The following PSD4 variants were observed in gnomAD, a reference collection of about 807,000 sequenced individuals.
PSD4 encodes pleckstrin and Sec7 domain containing 4.
PSD4 carries 59 observed loss-of-function variants against 112.5 expected under a neutral mutation model. The observed-to-expected ratio is 0.52, with a 90% CI of 0.43 to 0.65. The LOEUF (loss-of-function observed/expected upper bound fraction) is 0.65. PSD4 is among the 30% of genes least tolerant of loss of function. The probability of loss-of-function intolerance (pLI) is 0.00; values close to 1 mark genes in which losing one functional copy is unlikely to be tolerated. For synonymous variants in PSD4, 533 were observed against 540.0 expected (o/e 0.99, Z 0.18); for missense variants, 1,267 against 1,352.6 (o/e 0.94, Z 0.99).
intron 2 of PSD4, among the ~76,000 whole-genome samples, chr2:113,184,250 C>G (rs1451108869): frequency 2.6e-5 from 4 of 152,202 alleles, no homozygotes; most frequent in Middle Eastern, 3.2e-3. Context: ...ATTACCAGAG[C>G]AGCTCTTGGA....
intron 5 of PSD4, among the ~76,000 whole-genome samples, chr2:113,189,934 A>G (rs1688403594): frequency 1.3e-5 from 2 of 152,006 alleles, no homozygotes; most frequent in South Asian, 4.1e-4. Context: ...AGATGTATAG[A>G]TTGTGGAGAT....
intron 5 of PSD4, among the ~76,000 whole-genome samples, chr2:113,186,664 G>A (rs528759964): frequency 1.4e-4 from 22 of 152,314 alleles, no homozygotes; most frequent in African/African-American, 5.1e-4. Context: ...GGACTGCTTT[G>A]AATTTGAGGA....
rs1294193893 is a variant in PSD4 at position 113,206,745 on chromosome 2, C to T, written c.*5330C>T. 6.6e-6 allele frequency: 1 copy of T among 152,294 alleles called. No homozygotes were observed. Among genetic ancestry groups the T allele is most frequent in the Non-Finnish European group, 1.5e-5 (1 of 68,088 alleles). The allele number at this position is 152,294 out of a possible 1,614,324, so 9.4% of individuals were successfully genotyped here. On this transcript the variant is annotated 3_prime_UTR_variant, in exon 17 of 17. Transcript: ENST00000245796. ...GCTATTAATTCATAGCCTCACCAGA[C>T]TTACCCCACGTCTGCTCCCCTCCTC...
intron 12 of PSD4, 73 bp downstream of exon 12, chr2:113,196,380 G>A (rs1043477926): frequency 1.0e-5 from 15 of 1,488,512 alleles, no homozygotes; most frequent in South Asian, 1.3e-5. Flanking sequence ...GCCGATGCAT[G>A]CACAGGTGTG....
In PSD4 at chr2:113,197,909, G is replaced by C. The variant is rs745676828; in HGVS notation, c.2620G>C (p.Ala874Pro). The change falls in exon 14 of 17, where the codon GCA becomes CCA. Residue 874 changes from alanine to proline, a missense_variant. Ala to Pro is a conservative substitution (Grantham distance 27). Around this residue, in one of 2 missense-constraint regions of PSD4, gnomAD observed 544 missense variants for 648.6 expected, o/e 0.84. Coordinates refer to ENST00000245796, the MANE Select transcript of PSD4 (RefSeq NM_012455.3). The stretch of plus-strand genomic sequence containing the variant: ...TGACTGGCGCCTCTACCTCTTCCAG[G>C]CACCGTAAGTCCCTGGGGTGGGAGA... ...TADWRLYLFQAPTAKEMSSWI... is the reference protein window; with the variant it reads ...TADWRLYLFQPPTAKEMSSWI... 2 of 1,578,928 alleles carry C rather than the reference G, an allele frequency of 1.3e-6. No homozygotes were observed. Among genetic ancestry groups the C allele is most frequent in the Non-Finnish European group, 1.7e-6 (2 of 1,157,572 alleles).
intron 5 of PSD4, among the ~76,000 whole-genome samples, chr2:113,187,578 G>A (rs1026032309): frequency 2.0e-5 from 3 of 152,122 alleles, no homozygotes; most frequent in Non-Finnish European, 2.9e-5. Flanking sequence ...ACCCCCAGCC[G>A]ACTCAGAACC....
At chr2:113,184,878 T>G in intron 2 of PSD4, 79 bp from the exon 3 acceptor site, 3 of 1,582,308 alleles carry the variant, frequency 1.9e-6, no homozygotes, top group Non-Finnish European at 2.6e-6. Flanking sequence ...TCATGGGATT[T>G]GAGAAAGGCC....
intron 4 of PSD4, 189 bp downstream of exon 4, chr2:113,185,629 A>G: frequency 3.9e-6 from 6 of 1,548,360 alleles, no homozygotes; most frequent in Non-Finnish European, 5.2e-6. Flanking sequence ...CAAAAGGACC[A>G]GCATTTCTTA....
chr2:113,194,060 G>A, intron 10 of PSD4, 112 bp downstream of exon 10: 2 of 982,190 alleles, frequency 2.0e-6, no homozygotes, highest in Non-Finnish European at 3.0e-6. Flanking sequence ...ATCCTTGAGA[G>A]AACAGGACTT....
rs140800368 is a variant in PSD4 at position 113,201,316 on chromosome 2, C to T, written c.3072C>T (p.His1024=). ...AGTCCCACTCGAGCCCGTCCCTGCA[C>T]CAGGATGAGGCTCCCACCACGGCCA... The part of the protein sequence containing the change: ...LKKSHSSPSL[H]QDEAPTTAKV... Residue 1024 remains histidine, a synonymous_variant, in exon 17 of 17, where the codon CAC becomes CAT. Coordinates refer to ENST00000245796, the MANE Select transcript of PSD4 (RefSeq NM_012455.3). 6.8e-6 allele frequency: 11 copies of T among 1,614,062 alleles called. No individual in the cohort carries two copies. In the African/African-American group the frequency reaches 1.3e-4, roughly 20 times the overall value.
In PSD4 at chr2:113,193,642, C is replaced by A. The variant is rs1360191542; in HGVS notation, c.2083C>A (p.His695Asn). 3 of 1,613,356 alleles carry A rather than the reference C, an allele frequency of 1.9e-6. No homozygotes were observed. The highest frequency in any genetic ancestry group is 2.5e-6 in the Non-Finnish European group (3 of 1,179,304). Residue 695 changes from histidine to asparagine, a missense_variant, in exon 9 of 17, where the codon CAT (histidine) becomes AAT (asparagine). Around this residue, in one of 2 missense-constraint regions of PSD4, gnomAD observed 544 missense variants for 648.6 expected, o/e 0.84. Coordinates refer to ENST00000245796, the MANE Select transcript of PSD4 (RefSeq NM_012455.3). Reference protein sequence around the residue: ...CAIMLLNTDLHGQNIGKSMSC... With the variant: ...CAIMLLNTDLNGQNIGKSMSC... ...AATCATGCTGCTTAACACGGACCTGCATGGACAGGTAAGACGGTGGAGAGA... is the reference window on the plus strand; with the variant it reads ...AATCATGCTGCTTAACACGGACCTGAATGGACAGGTAAGACGGTGGAGAGA...
chr2:113,197,714 A>T (rs762829178), intron 13 of PSD4, 33 bp from the exon 14 acceptor site: 1 of 1,609,198 alleles, frequency 6.2e-7, no homozygotes, highest in Non-Finnish European at 8.5e-7. Context: ...GCAGCTGATG[A>T]TAACCTCTTC....
intron 1 of PSD4, among the ~76,000 whole-genome samples, chr2:113,178,433 T>C (rs897767352): frequency 2.0e-5 from 3 of 151,344 alleles, no homozygotes; most frequent in African/African-American, 4.9e-5. Context: ...TTATTTTTTT[T>C]CCTCTGAAAA....
chr2:113,190,087 C>T (rs1245011708), intron 5 of PSD4, among the ~76,000 whole-genome samples: 1 of 152,176 alleles, frequency 6.6e-6, no homozygotes, highest in East Asian at 1.9e-4. Flanking sequence ...AAATCCTTAC[C>T]TAAGCCAATG....
In PSD4 at chr2:113,199,236, C is replaced by T. The variant is rs757430304; in HGVS notation, c.2913+10C>T. 10 of 1,469,106 alleles carry T rather than the reference C, an allele frequency of 6.8e-6. No homozygotes were observed. The highest frequency in any genetic ancestry group is 1.3e-5 in the South Asian group (1 of 76,412). The allele number at this position is 1,469,106 out of a possible 1,614,324, so 91.0% of individuals were successfully genotyped here. A position where few individuals can be genotyped will look rare whatever the true frequency, so the allele number is the denominator to read the frequency against. ...GTACCTGGAGTACGAGGTGAGCGGC[C>T]GAGCCCACCTCCCCGCCGCTGCGCA... On this transcript the variant is annotated intron_variant, in intron 16 of 16. Transcript: ENST00000245796.
chr2:113,179,783 A>C (rs1213498732), intron 1 of PSD4, among the ~76,000 whole-genome samples: 3 of 152,156 alleles, frequency 2.0e-5, no homozygotes, highest in African/African-American at 7.2e-5. Flanking sequence ...GATTAAACAT[A>C]AGAAAGGGCC....
In PSD4 at chr2:113,193,649, A is replaced by C. The variant is rs1356685756; in HGVS notation, c.2090A>C (p.Gln697Pro). The C allele has an allele frequency of 6.2e-7, 1 of 1,613,212 alleles. No homozygotes were observed. Among genetic ancestry groups the C allele is most frequent in the East Asian group, 2.2e-5 (1 of 44,864 alleles). The part of the protein sequence containing the change: ...IMLLNTDLHG[Q>P]NIGKSMSCQE... ...CTGCTTAACACGGACCTGCATGGAC[A>C]GGTAAGACGGTGGAGAGAGTCCCTG... Residue 697 changes from glutamine (Q) to proline (P), a missense_variant and splice_region_variant, in exon 9 of 17, where the codon CAG becomes CCG. Transcript: ENST00000245796.
At chr2:113,185,202 T>C in intron 3 of PSD4, 129 bp downstream of exon 3, 1 of 1,558,542 alleles carries the variant, frequency 6.4e-7, no homozygotes, top group Non-Finnish European at 8.7e-7. Context: ...ACTCCCCTTC[T>C]GAACTGAGGC....
intron 5 of PSD4, among the ~76,000 whole-genome samples, chr2:113,191,099 A>G (rs1688431413): frequency 6.6e-6 from 1 of 152,206 alleles, no homozygotes; most frequent in Non-Finnish European, 1.5e-5. Flanking sequence ...CCTAGTTTCC[A>G]GATGCATAAG....
Sources: gnomAD v4.1 joint callset for allele counts (sites outside exome capture counted in the v4.1 genomes callset) on GRCh38, gnomAD v4.1.1 for gene constraint, gnomAD v4.1.1 regional missense constraint, MANE v1.5 for transcripts, NCBI Gene and HGNC (gene_info 2026-07-23, HGNC 2026-07-21) for gene names.